The following SLC22A24 variants were observed in gnomAD, a reference collection of about 807,000 sequenced individuals.
The protein encoded by SLC22A24 is steroid transmembrane transporter SLC22A24.
A neutral mutation model predicts 49.8 loss-of-function variants in SLC22A24; 53 were observed. The ratio of observed to expected loss-of-function variants is 1.06; its 90% CI spans 0.85 to 1.34. The LOEUF (loss-of-function observed/expected upper bound fraction) is 1.34, where lower values mean the gene tolerates loss of function less well. Ranked by LOEUF, SLC22A24 falls within the 40% of genes most tolerant of loss-of-function variation. The pLI, the probability that SLC22A24 is intolerant of heterozygous loss-of-function variation, is 0.00. For missense variants in SLC22A24, 786 were observed against 675.9 expected (o/e 1.16, Z -1.81); for synonymous variants, 302 against 256.4 (o/e 1.18, Z -1.70).
At chr11:63,080,828 A>C in intron 9 of SLC22A24, 92 bp downstream of exon 9, 30 of 1,022,514 alleles carry the variant, frequency 2.9e-5, no homozygotes, top group Non-Finnish European at 4.1e-5. Context: ...CATGAAGGAC[A>C]GAGGGCCCCA....
chr11:63,127,054 G>A (rs1301364764), intron 2 of SLC22A24, among the ~76,000 whole-genome samples: 4 of 152,056 alleles, frequency 2.6e-5, no homozygotes, highest in Non-Finnish European at 5.9e-5. Flanking sequence ...ATGTATACAC[G>A]TGCCATATTG....
At chr11:63,137,711 A>G (rs2087385475) in intron 1 of SLC22A24, among the ~76,000 whole-genome samples, 1 of 152,220 alleles carries the variant, frequency 6.6e-6, no homozygotes, top group African/African-American at 2.4e-5. Flanking sequence ...CTTGCAAATT[A>G]AGAATCTTGT....
intron 1 of SLC22A24, among the ~76,000 whole-genome samples, chr11:63,139,286 C>T (rs191854512): frequency 1.3e-4 from 20 of 152,180 alleles, no homozygotes; most frequent in Admixed American, 3.9e-4. Context: ...GACACCGTTT[C>T]GGAAGAAAGC....
intron 4 of SLC22A24, among the ~76,000 whole-genome samples, chr11:63,107,319 G>T (rs1185504876): frequency 7.2e-5 from 11 of 152,196 alleles, no homozygotes; most frequent in African/African-American, 2.2e-4. Flanking sequence ...GTACCATGCT[G>T]TTTTGGTTAC....
At chr11:63,109,778 T>G (rs1458408272) in intron 4 of SLC22A24, among the ~76,000 whole-genome samples, 3 of 152,116 alleles carry the variant, frequency 2.0e-5, no homozygotes, top group Non-Finnish European at 4.4e-5. Context: ...TGGCAAAAAT[T>G]TTCTCCCATT....
At chr11:63,084,954 A>G (rs1332231666) in intron 6 of SLC22A24, among the ~76,000 whole-genome samples, 1 of 133,802 alleles carries the variant, frequency 7.5e-6, no homozygotes, top group African/African-American at 2.8e-5. Context: ...TTTTTTTTTT[A>G]TTACTGAGAA....
chr11:63,106,722 G>A (rs888347584), intron 4 of SLC22A24, among the ~76,000 whole-genome samples: 2 of 152,072 alleles, frequency 1.3e-5, no homozygotes, highest in Non-Finnish European at 2.9e-5. Flanking sequence ...CTGCATAAAT[G>A]TCTTCTTTTG....
At chr11:63,133,651 C>CT (rs1169692133) in intron 2 of SLC22A24, among the ~76,000 whole-genome samples, 3 of 151,020 alleles carry the variant, frequency 2.0e-5, no homozygotes, top group Non-Finnish European at 4.4e-5. Context: ...TTTCTTTTTT[C>CT]TTTTTTTTCA....
At chr11:63,121,907 A>G (rs1400736276) in intron 2 of SLC22A24, among the ~76,000 whole-genome samples, 1 of 151,980 alleles carries the variant, frequency 6.6e-6, no homozygotes, top group Non-Finnish European at 1.5e-5. Context: ...CACTTTTTTT[A>G]GCTTGAAGAA....
At chr11:63,112,467 A>G (rs1272855945) in intron 4 of SLC22A24, among the ~76,000 whole-genome samples, 1 of 151,984 alleles carries the variant, frequency 6.6e-6, no homozygotes, top group African/African-American at 2.4e-5. Context: ...GTCTCCCATT[A>G]TTATCGTGTG....
intron 5 of SLC22A24, among the ~76,000 whole-genome samples, chr11:63,098,433 C>G (rs1292872086): frequency 1.3e-5 from 2 of 152,082 alleles, no homozygotes; most frequent in Non-Finnish European, 2.9e-5. Flanking sequence ...CTTGGGAGGC[C>G]AAAGTGGGTG....
chr11:63,092,414 A>G (rs1010544829), intron 6 of SLC22A24, among the ~76,000 whole-genome samples: 1 of 148,174 alleles, frequency 6.7e-6, no homozygotes, highest in Admixed American at 6.9e-5. Context: ...CAAATTTCAA[A>G]TGGATCAAAA....
At chr11:63,094,305 T>C (rs1176030954) in intron 6 of SLC22A24, among the ~76,000 whole-genome samples, 2 of 152,032 alleles carry the variant, frequency 1.3e-5, no homozygotes, top group Non-Finnish European at 2.9e-5. Flanking sequence ...ACAAAGGACA[T>C]GGACTCATCA....
chr11:63,128,958 C>T (rs1287144570), intron 2 of SLC22A24, among the ~76,000 whole-genome samples: 1 of 152,188 alleles, frequency 6.6e-6, no homozygotes, highest in East Asian at 1.9e-4. Flanking sequence ...AACCCATAGA[C>T]CCTGTAGGGC....
chr11:63,119,641 T>A (rs1252124831), intron 2 of SLC22A24, among the ~76,000 whole-genome samples: 1 of 152,156 alleles, frequency 6.6e-6, no homozygotes, highest in Non-Finnish European at 1.5e-5. Context: ...AAATGTTTAT[T>A]CTACAAAACA....
At chr11:63,127,788 T>C (rs2087302500) in intron 2 of SLC22A24, among the ~76,000 whole-genome samples, 1 of 147,604 alleles carries the variant, frequency 6.8e-6, no homozygotes, top group Non-Finnish European at 1.5e-5. Context: ...TTTTGAGAAA[T>C]GTTGTTCATA....
chr11:63,137,999 A>T (rs534491684), intron 1 of SLC22A24: 1 of 152,790 alleles, frequency 6.5e-6, no homozygotes, highest in African/African-American at 2.4e-5. Context: ...TTATGAGACT[A>T]ATCTTAGGCT....
chr11:63,104,033 A>G lies in SLC22A24; in HGVS notation c.954+142T>C, dbSNP rs573920768. On this transcript the variant is annotated intron_variant, in intron 5 of 9. Transcript: ENST00000612278. Reference sequence around the variant, plus strand: ...ATATCCAAATCTTTGACAGGAGGAAAGATATATATATTTTATCAGGACAGA... The same window carrying G: ...ATATCCAAATCTTTGACAGGAGGAAGGATATATATATTTTATCAGGACAGA... 5.9e-6 allele frequency: 4 copies of G among 682,588 alleles called. No individual in the cohort carries two copies. The Admixed American group carries it at 1.1e-4, about 18-fold the overall frequency. The allele number at this position is 682,588 out of a possible 1,614,324, so 42.3% of individuals were successfully genotyped here. A position where few individuals can be genotyped will look rare whatever the true frequency, so the allele number is the denominator to read the frequency against.
Position 63,134,716 on chromosome 11 carries a change from A to G in SLC22A24, c.455T>C (p.Phe152Ser). 1 of 1,563,208 alleles carries G rather than the reference A, an allele frequency of 6.4e-7. No homozygotes were observed. Among genetic ancestry groups the G allele is most frequent in the Non-Finnish European group, 8.7e-7 (1 of 1,152,538 alleles). Reference sequence around the variant, plus strand: ...ACCTCCCAGAAGTGACCCAGCCATAAATAGGGATTGAACCATTGATTTTAG... The same window carrying G: ...ACCTCCCAGAAGTGACCCAGCCATAGATAGGGATTGAACCATTGATTTTAG... The part of the protein sequence containing the change: ...QSLKSMVQSL[F>S]MAGSLLGGLI... Residue 152 changes from phenylalanine (F) to serine (S), a missense_variant, in exon 2 of 10, where the codon TTT becomes TCT. Coordinates refer to ENST00000612278, the MANE Select transcript of SLC22A24 (RefSeq NM_001136506.2).
Sources: allele counts gnomAD v4.1 joint callset (sites outside exome capture counted in the v4.1 genomes callset), GRCh38; gene constraint gnomAD v4.1.1; transcripts MANE v1.5; gene names NCBI Gene and HGNC (gene_info 2026-07-23, HGNC 2026-07-21).